Variants in COL15A1 observed in about 807,000 individuals in gnomAD.
COL15A1 encodes collagen alpha-1(XV) chain.
COL15A1 carries 111 observed loss-of-function variants against 165.9 expected under a neutral mutation model. That is an observed-to-expected ratio of 0.67 (90% CI 0.57 to 0.78). COL15A1 has a LOEUF of 0.78. Ranked by LOEUF, COL15A1 falls within the 30% of genes least tolerant of loss-of-function variation. The probability of loss-of-function intolerance (pLI) is 0.00; values close to 1 mark genes in which losing one functional copy is unlikely to be tolerated. For missense variants in COL15A1, 1,745 were observed against 1,789.7 expected (o/e 0.98, Z 0.45); for synonymous variants, 659 against 674.8 (o/e 0.98, Z 0.36).
chr9:99,024,262 C>G (rs1839077984), intron 14 of COL15A1, among the ~76,000 whole-genome samples: 1 of 142,488 alleles, frequency 7.0e-6, no homozygotes, highest in South Asian at 2.3e-4. Flanking sequence ...GGCTACACCA[C>G]AAGCAGTTTT....
intron 26 of COL15A1, among the ~76,000 whole-genome samples, chr9:99,046,970 T>A (rs1473611710): frequency 2.0e-5 from 3 of 152,188 alleles, no homozygotes; most frequent in African/African-American, 7.2e-5. Context: ...TGGCTATGTA[T>A]GTTTATGGTA....
chr9:98,969,643 G>A (rs1395768619), intron 2 of COL15A1, among the ~76,000 whole-genome samples: 2 of 152,208 alleles, frequency 1.3e-5, no homozygotes, highest in Non-Finnish European at 1.5e-5. Flanking sequence ...GCCATAGGGA[G>A]GGAGTCAGGG....
intron 4 of COL15A1, among the ~76,000 whole-genome samples, chr9:98,988,403 A>G (rs1838354420): frequency 6.6e-6 from 1 of 152,194 alleles, no homozygotes; most frequent in Admixed American, 6.5e-5. Flanking sequence ...TTACAAAATC[A>G]CAGCACTCGG....
intron 2 of COL15A1, among the ~76,000 whole-genome samples, chr9:98,977,202 G>C (rs969516470): frequency 2.0e-5 from 3 of 152,182 alleles, no homozygotes; most frequent in Non-Finnish European, 4.4e-5. Flanking sequence ...GGATAAGTGT[G>C]GGCCGCTTCC....
intron 26 of COL15A1, among the ~76,000 whole-genome samples, chr9:99,047,345 G>T (rs1013125832): frequency 1.3e-5 from 2 of 152,210 alleles, no homozygotes; most frequent in African/African-American, 4.8e-5. Context: ...GGGTTATCAG[G>T]CCAGGCTGGC....
intron 28 of COL15A1, among the ~76,000 whole-genome samples, chr9:99,049,194 G>A (rs1839542882): frequency 6.6e-6 from 1 of 152,310 alleles, no homozygotes; most frequent in East Asian, 1.9e-4. Flanking sequence ...AGGCCAAGCT[G>A]GCTTCACTTT....
chr9:99,055,152 G>T lies in COL15A1; in HGVS notation c.3081+1G>T, dbSNP rs1227685780. 6.2e-7 allele frequency: 1 copy of T among 1,612,766 alleles called. No homozygotes were observed. The highest frequency in any genetic ancestry group is 8.5e-7 in the Non-Finnish European group (1 of 1,178,784). Reference sequence around the variant, plus strand: ...GAGACACTTTCTGAACAACTTGAAGGTGAGTATTTCTCTACCAATATTTGG... The same window carrying T: ...GAGACACTTTCTGAACAACTTGAAGTTGAGTATTTCTCTACCAATATTTGG... On this transcript the variant is annotated splice_donor_variant, in intron 33 of 41. Coordinates refer to ENST00000375001, the MANE Select transcript of COL15A1 (RefSeq NM_001855.5). LOFTEE classifies it high-confidence loss of function.
chr9:99,000,301 TA>T (rs1438101880), intron 6 of COL15A1, among the ~76,000 whole-genome samples: 1 of 151,944 alleles, frequency 6.6e-6, no homozygotes. Flanking sequence ...GCCAAGTATA[TA>T]AATATATAAG....
rs778094145 is a variant in COL15A1 at position 99,069,709 on chromosome 9, T to C, written c.3990T>C (p.His1330=). ...QKVIWHGSSP[H]GVRLVDNYCE... ...TCATTTGGCATGGCTCCAGCCCCCATGGCGTCCGCCTTGTGGATAACTACT... is the reference window on the plus strand; with the variant it reads ...TCATTTGGCATGGCTCCAGCCCCCACGGCGTCCGCCTTGTGGATAACTACT... The change falls in exon 42 of 42, where the codon CAT becomes CAC. Residue 1330 remains histidine, a synonymous_variant. Transcript: ENST00000375001. The C allele has an allele frequency of 2.0e-5, 33 of 1,612,190 alleles. No individual in the cohort carries two copies. Among genetic ancestry groups the C allele is most frequent in the Non-Finnish European group, 2.8e-5 (33 of 1,178,380 alleles).
intron 39 of COL15A1, among the ~76,000 whole-genome samples, chr9:99,066,045 G>A (rs1424678406): frequency 6.6e-6 from 1 of 151,962 alleles, no homozygotes; most frequent in Non-Finnish European, 1.5e-5. Flanking sequence ...TTTCCTTTTT[G>A]GTAACTTGGA....
intron 2 of COL15A1, among the ~76,000 whole-genome samples, chr9:98,955,466 TAATGAATG>T (rs1770840561): frequency 1.3e-5 from 2 of 152,218 alleles, no homozygotes; most frequent in African/African-American, 4.8e-5. Context: ...TTGAATAAGT[TAATGAATG>T]AATCATTCAA....
chr9:99,004,010 C>T (rs1838711906), intron 8 of COL15A1, among the ~76,000 whole-genome samples: 1 of 152,050 alleles, frequency 6.6e-6, no homozygotes, highest in African/African-American at 2.4e-5. Context: ...GGGGGTGGAA[C>T]AGGTGTTTCA....
intron 2 of COL15A1, among the ~76,000 whole-genome samples, chr9:98,976,061 T>C (rs1838137962): frequency 6.6e-6 from 1 of 152,086 alleles, no homozygotes; most frequent in South Asian, 2.1e-4. Context: ...TTGGAGCTTG[T>C]AATAGGAGCA....
chr9:99,038,813 C>G, intron 22 of COL15A1, 80 bp downstream of exon 22: 1 of 815,714 alleles, frequency 1.2e-6, no homozygotes, highest in East Asian at 2.4e-5. Context: ...CTTTGGAATC[C>G]TTTTAGCTCC....
chr9:99,003,719 G>A (rs992451961), intron 8 of COL15A1, 132 bp downstream of exon 8: 7 of 990,138 alleles, frequency 7.1e-6, no homozygotes, highest in Non-Finnish European at 9.8e-6. Context: ...CAGTCTGTCG[G>A]AGTAAGCACT....
At chr9:99,000,768 G>A (rs1838636928) in intron 6 of COL15A1, 71 bp from the exon 7 acceptor site, 1 of 791,570 alleles carries the variant, frequency 1.3e-6, no homozygotes, top group Non-Finnish European at 2.2e-6. Flanking sequence ...GTTAGCTGGT[G>A]AAGAGATACC....
chr9:99,059,787 G>A (rs1825780149), intron 35 of COL15A1, 102 bp from the exon 36 acceptor site: 2 of 1,299,990 alleles, frequency 1.5e-6, no homozygotes, highest in Non-Finnish European at 1.1e-6. Flanking sequence ...TTGTGGCGCT[G>A]TGAATGGGGT....
Position 98,944,076 on chromosome 9 carries a change from A to C in COL15A1, c.11+4A>C. On this transcript the variant is annotated splice_donor_region_variant and intron_variant, in intron 1 of 41. Coordinates refer to ENST00000375001, the MANE Select transcript of COL15A1 (RefSeq NM_001855.5). ...AGACCCGCGAGATGGCACCAAGGTA[A>C]GACCCGCTTCTCTGCTTCCTCGCGT... 1 of 1,614,118 alleles carries C rather than the reference A, an allele frequency of 6.2e-7. No homozygotes were observed. Among genetic ancestry groups the C allele is most frequent in the Non-Finnish European group, 8.5e-7 (1 of 1,179,966 alleles).
rs917230832 is a variant in COL15A1, at chr9:98,988,312, T to C, written c.724-866T>C. ...CTGACAGTCATGTGATGCTGATCAG[T>C]GTAGTCACGCGTTAGTCTCTGCATT... is the stretch of plus-strand genomic sequence containing the variant. On this transcript the variant is annotated intron_variant, in intron 4 of 41. Transcript: ENST00000375001. Among the ~76,000 whole-genome samples, 4 of 152,170 alleles carry C rather than the reference T, an allele frequency of 2.6e-5. No homozygotes were observed. The East Asian group carries it at 5.8e-4, about 22-fold the overall frequency.
Sources: gnomAD v4.1 joint callset for allele counts (sites outside exome capture counted in the v4.1 genomes callset) on GRCh38, gnomAD v4.1.1 for gene constraint, MANE v1.5 for transcripts, NCBI Gene and HGNC (gene_info 2026-07-23, HGNC 2026-07-21) for gene names.